Variants in MYO3B observed in about 807,000 individuals in gnomAD.
The protein encoded by MYO3B is myosin-IIIb.
In MYO3B, 156 loss-of-function variants were observed where a neutral mutation model predicts 174.6. The observed-to-expected ratio is 0.89, with a 90% CI of 0.78 to 1.02. The LOEUF (loss-of-function observed/expected upper bound fraction) is 1.02, where lower values mean the gene tolerates loss of function less well. Among genes scored for constraint, MYO3B ranks in the 50% least tolerant of loss-of-function variants. MYO3B has a pLI of 0.00. For missense variants in MYO3B, 1,632 were observed against 1,639.4 expected (o/e 1.00, Z 0.08); for synonymous variants, 563 against 569.1 (o/e 0.99, Z 0.15).
At chr2:170,557,197 T>C (rs1366630335) in intron 32 of MYO3B, among the ~76,000 whole-genome samples, 1 of 150,672 alleles carries the variant, frequency 6.6e-6, no homozygotes, top group Non-Finnish European at 1.5e-5. Flanking sequence ...TGGAGTGCAG[T>C]GGCACGATCT....
At chr2:170,367,905 G>C (rs1558929774) in intron 8 of MYO3B, among the ~76,000 whole-genome samples, 1 of 152,176 alleles carries the variant, frequency 6.6e-6, no homozygotes, top group Non-Finnish European at 1.5e-5. Context: ...CAGCTGAATG[G>C]AGATAATTTA....
intron 32 of MYO3B, among the ~76,000 whole-genome samples, chr2:170,622,827 G>C (rs552100241): frequency 1.2e-3 from 180 of 150,612 alleles, no homozygotes; most frequent in African/African-American, 4.2e-3. Flanking sequence ...GCGGTGTTTG[G>C]TTTTTTGTCC....
intron 1 of MYO3B, among the ~76,000 whole-genome samples, chr2:170,192,636 A>C (rs935074712): frequency 4.6e-5 from 7 of 151,210 alleles, no homozygotes; most frequent in African/African-American, 1.7e-4. Flanking sequence ...TTTGAATAGA[A>C]TATTAAAAAA....
chr2:170,446,411 G>C (rs1249660789), intron 23 of MYO3B, among the ~76,000 whole-genome samples: 1 of 152,132 alleles, frequency 6.6e-6, no homozygotes, highest in African/African-American at 2.4e-5. Context: ...TACCAGCAAA[G>C]TGTTGCCTCC....
intron 1 of MYO3B, among the ~76,000 whole-genome samples, chr2:170,181,603 A>C (rs1478038507): frequency 6.6e-6 from 1 of 151,986 alleles, no homozygotes; most frequent in East Asian, 1.9e-4. Flanking sequence ...AGTTCCTTTC[A>C]CTTTCTAGTC....
chr2:170,182,200 C>T (rs1267059159), intron 1 of MYO3B, among the ~76,000 whole-genome samples: 1 of 151,768 alleles, frequency 6.6e-6, no homozygotes, highest in Non-Finnish European at 1.5e-5. Flanking sequence ...GTTTTCTATT[C>T]TACTTGAAAA....
Position 170,199,273 on chromosome 2 carries a change from C to T in MYO3B, c.68C>T (p.Pro23Leu), listed in dbSNP as rs764181530. The T allele has an allele frequency of 1.9e-6, 3 of 1,613,498 alleles. No individual in the cohort carries two copies. The South Asian group carries it at 3.3e-5, about 18-fold the overall frequency. Residue 23 changes from proline (P) to leucine (L), a missense_variant, in exon 2 of 35, where the codon CCC becomes CTC. By Grantham distance (98) the Pro-to-Leu change is moderately conservative. Coordinates refer to ENST00000408978, the MANE Select transcript of MYO3B (RefSeq NM_138995.5). ...MMLGLESLPD[P>L]TDTWEIIETI... ...CTTGGACTTGAATCACTTCCAGATC[C>T]CACAGACACCTGGGAAATTATAGAG...
In MYO3B at chr2:170,653,202, T is replaced by C. The variant is rs1347598018; in HGVS notation, c.*81T>C. The C allele has an allele frequency of 1.3e-6, 2 of 1,546,718 alleles. No homozygotes were observed. Among genetic ancestry groups the C allele is most frequent in the Admixed American group, 1.7e-5 (1 of 58,250 alleles). On this transcript the variant is annotated 3_prime_UTR_variant, in exon 35 of 35. Coordinates refer to ENST00000408978, the MANE Select transcript of MYO3B (RefSeq NM_138995.5). The stretch of plus-strand genomic sequence containing the variant: ...TGTCTGTCATTGCGTAAGAAAGCAC[T>C]GATATGGGGTCAGCTTCTTTGGACA...
intron 22 of MYO3B, among the ~76,000 whole-genome samples, chr2:170,417,290 C>T (rs1344101836): frequency 6.6e-6 from 1 of 152,174 alleles, no homozygotes; most frequent in African/African-American, 2.4e-5. Context: ...TCTATCCCTG[C>T]CCCCACTCCA....
intron 8 of MYO3B, among the ~76,000 whole-genome samples, chr2:170,345,717 A>G (rs149197303): frequency 4.0e-5 from 6 of 151,502 alleles, no homozygotes; most frequent in East Asian, 1.9e-4. Flanking sequence ...CTCATCCTCA[A>G]TATCTCAAAT....
intron 7 of MYO3B, among the ~76,000 whole-genome samples, chr2:170,312,798 G>A (rs569939713): frequency 1.3e-5 from 2 of 152,192 alleles, no homozygotes; most frequent in Admixed American, 1.3e-4. Flanking sequence ...TCACACCTAC[G>A]TACAATTTTG....
At position 170,312,206 on chromosome 2, in the gene MYO3B, A is replaced by G. The variant is rs149665312; in HGVS notation, c.750-23179A>G. On this transcript the variant is annotated intron_variant, in intron 7 of 34. Transcript: ENST00000408978. ...TTTTCTCACAGTCACAAATGTGTCT[A>G]GACTACAGTTCAGGTTTGTTGTGAT... Among the ~76,000 whole-genome samples the G allele has an allele frequency of 3.5e-3, 528 of 152,350 alleles. 6 individuals carry two copies. The highest frequency in any genetic ancestry group is 0.011 in the African/African-American group (470 of 41,582).
chr2:170,476,583 C>T lies in MYO3B; in HGVS notation c.3014+9872C>T, dbSNP rs143074582. Among the ~76,000 whole-genome samples the T allele has an allele frequency of 2.3e-3, 350 of 152,178 alleles. 2 individuals carry two copies. Among genetic ancestry groups the T allele is most frequent in the African/African-American group, 7.7e-3 (318 of 41,538 alleles). On this transcript the variant is annotated intron_variant, in intron 25 of 34. Coordinates refer to ENST00000408978, the MANE Select transcript of MYO3B (RefSeq NM_138995.5). Reference sequence around the variant, plus strand: ...TCCTCTCCAACTGCCCCTAGCAGAACTCCTCTCAGCCTTCAGATACTCCTT... The same window carrying T: ...TCCTCTCCAACTGCCCCTAGCAGAATTCCTCTCAGCCTTCAGATACTCCTT...
At chr2:170,310,346 A>C (rs1426165982) in intron 7 of MYO3B, among the ~76,000 whole-genome samples, 1 of 152,144 alleles carries the variant, frequency 6.6e-6, no homozygotes, top group African/African-American at 2.4e-5. Flanking sequence ...AGGGAGGCAT[A>C]AGACATCAAT....
intron 32 of MYO3B, among the ~76,000 whole-genome samples, chr2:170,551,288 A>G (rs1023637650): frequency 6.6e-6 from 1 of 151,674 alleles, no homozygotes; most frequent in Admixed American, 6.6e-5. Flanking sequence ...CACATGGCAA[A>G]ATTACTCTAA....
At chr2:170,271,228 A>T (rs115391416) in intron 7 of MYO3B, among the ~76,000 whole-genome samples, 47 of 152,276 alleles carry the variant, frequency 3.1e-4, no homozygotes, top group African/African-American at 1.1e-3. Flanking sequence ...AGGGAATGTT[A>T]AAGTGGTGAA....
At chr2:170,515,814 G>A (rs896394980) in intron 29 of MYO3B, among the ~76,000 whole-genome samples, 4 of 151,986 alleles carry the variant, frequency 2.6e-5, no homozygotes, top group African/African-American at 9.7e-5. Flanking sequence ...GACTCCTTTA[G>A]TATCTCTCAC....
intron 25 of MYO3B, among the ~76,000 whole-genome samples, chr2:170,497,355 G>T (rs991975387): frequency 6.6e-6 from 1 of 152,186 alleles, no homozygotes; most frequent in Non-Finnish European, 1.5e-5. Flanking sequence ...GGTGGCTCAC[G>T]CCTGTAATCC....
At chr2:170,630,290 A>G (rs1575293067) in intron 32 of MYO3B, among the ~76,000 whole-genome samples, 2 of 152,224 alleles carry the variant, frequency 1.3e-5, no homozygotes, top group East Asian at 3.9e-4. Context: ...ACCCCCATGG[A>G]TCCTTGCTCA....
Sources: allele counts gnomAD v4.1 joint callset (sites outside exome capture counted in the v4.1 genomes callset), GRCh38; gene constraint gnomAD v4.1.1; transcripts MANE v1.5; gene names NCBI Gene and HGNC (gene_info 2026-07-23, HGNC 2026-07-21).